Variants in ARMCX4 observed in about 807,000 individuals in gnomAD.
ARMCX4 encodes armadillo repeat containing X-linked 4.
In ARMCX4, 3 loss-of-function variants were observed where a neutral mutation model predicts 34.7. That is an observed-to-expected ratio of 0.09 (90% confidence interval 0.04 to 0.22). The LOEUF is 0.22. Among genes scored for constraint, ARMCX4 ranks in the 10% least tolerant of loss-of-function variants. ARMCX4 has a pLI of 1.00. For missense variants in ARMCX4, 1,448 were observed against 1,720.8 expected, an observed-to-expected ratio of 0.84 and a Z score of 2.81; for synonymous variants, 513 against 632.8, an observed-to-expected ratio of 0.81 and a Z score of 2.84.
Position 101,491,066 on chromosome X carries a change from G to A in ARMCX4, c.2477G>A (p.Gly826Asp). ...SKAGAGMDTR[G>D]SAQPQAVANS... ...GCAGGGGCTGGGATGGATACAAGGG[G>A]CTCTGCCCAGCCCCAGGCTGTGGCC... The change falls in exon 6 of 6, where the codon GGC (glycine) becomes GAC (aspartate). Residue 826 changes from glycine to aspartate, a missense_variant. By Grantham distance (94) the Gly-to-Asp change is moderately conservative. Around this residue, in one of 2 missense-constraint regions of ARMCX4, gnomAD observed 1,343 missense variants for 1,540.7 expected, o/e 0.87. Coordinates refer to ENST00000423738, the MANE Select transcript of ARMCX4 (RefSeq NM_001256155.3). 8.7e-7 allele frequency: 1 copy of A among 1,146,552 alleles called. No homozygotes were observed. Among genetic ancestry groups the A allele is most frequent in the Non-Finnish European group, 1.2e-6 (1 of 869,489 alleles). 94.5% of individuals were successfully genotyped at this position (1,146,552 alleles called of 1,213,427 possible).
intron 11 of ARMCX4, among the ~76,000 whole-genome samples, chrX:101,519,628 A>T (rs1169081072): frequency 8.9e-6 from 1 of 111,801 alleles, no homozygotes; most frequent in Non-Finnish European, 1.9e-5. Flanking sequence ...GCTGCAATAA[A>T]CATGAGACTG....
At chrX:101,442,836 A>C (rs1931383458) in intron 2 of ARMCX4, among the ~76,000 whole-genome samples, 1 of 111,489 alleles carries the variant, frequency 9.0e-6, no homozygotes, top group Non-Finnish European at 1.9e-5. Context: ...TTGTGTTGAA[A>C]TATAATCCCC....
chrX:101,496,251 C>T (rs141957036), downstream of ARMCX4, among the ~76,000 whole-genome samples: 203 of 110,121 alleles, frequency 1.8e-3, 3 homozygotes, highest in East Asian at 0.044. Flanking sequence ...GACATCAAGG[C>T]CTTTTGTGAC....
intron 4 of ARMCX4, among the ~76,000 whole-genome samples, chrX:101,479,329 C>G (rs978904235): frequency 1.4e-4 from 15 of 103,696 alleles, no homozygotes; most frequent in African/African-American, 5.3e-4. Context: ...CACACACACA[C>G]ACACACACAC....
intron 4 of ARMCX4, among the ~76,000 whole-genome samples, chrX:101,456,526 T>C (rs1188039852): frequency 9.0e-6 from 1 of 111,416 alleles, no homozygotes; most frequent in Non-Finnish European, 1.9e-5. Flanking sequence ...TTTTTGATTG[T>C]TGAATTTTAA....
At chrX:101,496,393 T>A (rs1934179055), downstream of ARMCX4, among the ~76,000 whole-genome samples, 1 of 109,785 alleles carries the variant, frequency 9.1e-6, no homozygotes, top group Admixed American at 9.8e-5. Context: ...ACTCCAGGCA[T>A]GAGATAATAA....
In ARMCX4 at chrX:101,522,688, C is replaced by A. The variant is rs782807685; in HGVS notation, c.*1781-8956C>A. 7.1e-5 allele frequency among the ~76,000 whole-genome samples: 8 copies of A among 111,907 alleles called. No individual in the cohort carries two copies. The South Asian group carries it at 2.2e-3, about 31-fold the overall frequency. Reference sequence around the variant, plus strand: ...TTCTTAGAGGTTGCCCTTGGAGTTACAATTAATATCTTAACATAAAAATCA... The same window carrying A: ...TTCTTAGAGGTTGCCCTTGGAGTTAAAATTAATATCTTAACATAAAAATCA... On this transcript the variant is annotated intron_variant and NMD_transcript_variant, in intron 11 of 12. Coordinates refer to the ARMCX4 transcript ENST00000354842.
intron 11 of ARMCX4, chrX:101,516,480 C>G (rs1380466294): frequency 9.0e-6 from 1 of 111,668 alleles, no homozygotes; most frequent in Non-Finnish European, 1.9e-5. Context: ...TACCCCCTAG[C>G]TAAAGAACGT....
downstream of ARMCX4, among the ~76,000 whole-genome samples, chrX:101,534,756 A>C: frequency 1.8e-5 from 2 of 111,503 alleles, no homozygotes; most frequent in Middle Eastern, 4.6e-3. Flanking sequence ...GATTTAAGTA[A>C]ATGTATCGGC....
chrX:101,432,905 TAC>T (rs35821734), intron 2 of ARMCX4, among the ~76,000 whole-genome samples: 5,882 of 88,866 alleles, frequency 0.066, 315 homozygotes, highest in South Asian at 0.35. Flanking sequence ...TACGTGTATA[TAC>T]ACACACGTAT....
intron 2 of ARMCX4, among the ~76,000 whole-genome samples, chrX:101,433,287 T>C (rs1420044948): frequency 5.7e-5 from 6 of 105,271 alleles, no homozygotes; most frequent in Admixed American, 1.0e-4. Context: ...TACGTACACA[T>C]ATACATATAT....
At chrX:101,433,068 A>G (rs1930329190) in intron 2 of ARMCX4, among the ~76,000 whole-genome samples, 1 of 110,287 alleles carries the variant, frequency 9.1e-6, no homozygotes, top group Non-Finnish European at 1.9e-5. Context: ...ACACGTGTAT[A>G]TATACACATA....
chrX:101,496,387 C>T (rs1934178687), downstream of ARMCX4, among the ~76,000 whole-genome samples: 1 of 110,391 alleles, frequency 9.1e-6, no homozygotes, highest in Non-Finnish European at 1.9e-5. Flanking sequence ...CAAGTTACTC[C>T]AGGCATGAGA....
downstream of ARMCX4, chrX:101,498,105 C>T: frequency 3.1e-6 from 1 of 326,501 alleles, no homozygotes; most frequent in South Asian, 2.7e-5. Flanking sequence ...CTTAACTCCT[C>T]CCTCTGTCCA....
chrX:101,435,858 A>G (rs1317033421), intron 2 of ARMCX4, among the ~76,000 whole-genome samples: 1 of 111,040 alleles, frequency 9.0e-6, no homozygotes, highest in East Asian at 2.8e-4. Context: ...AGCTTTCTAC[A>G]TATGGCTAGC....
At chrX:101,441,356 C>T (rs781909143) in intron 2 of ARMCX4, among the ~76,000 whole-genome samples, 1 of 110,722 alleles carries the variant, frequency 9.0e-6, no homozygotes, top group East Asian at 2.9e-4. Context: ...ACCCACGATC[C>T]TCTTACTTCA....
chrX:101,530,273 G>T (rs1556021802), intron 11 of ARMCX4, among the ~76,000 whole-genome samples: 2 of 111,340 alleles, frequency 1.8e-5, no homozygotes, highest in African/African-American at 6.5e-5. Flanking sequence ...TCATAGGTGG[G>T]AATTGAACAA....
chrX:101,480,480 C>T (rs182372826), upstream of ARMCX4, among the ~76,000 whole-genome samples: 171 of 111,418 alleles, frequency 1.5e-3, 1 homozygote, highest in Non-Finnish European at 1.3e-3. Flanking sequence ...GCAGGAAGAT[C>T]GCTTAAGCCC....
At chrX:101,508,178 G>T (rs1175459434) in intron 8 of ARMCX4, among the ~76,000 whole-genome samples, 1 of 112,177 alleles carries the variant, frequency 8.9e-6, no homozygotes, top group Non-Finnish European at 1.9e-5. Context: ...CACAATGACT[G>T]TATCACCGAA....
Sources: gnomAD v4.1 joint callset for allele counts (sites outside exome capture counted in the v4.1 genomes callset) on GRCh38, gnomAD v4.1.1 for gene constraint, gnomAD v4.1.1 regional missense constraint, MANE v1.5 for transcripts, NCBI Gene and HGNC (gene_info 2026-07-23, HGNC 2026-07-21) for gene names.